Variants in GOLGA3 observed in about 807,000 individuals in gnomAD.
The protein encoded by GOLGA3 is golgin subfamily A member 3.
In GOLGA3, 75 loss-of-function variants were observed where a neutral mutation model predicts 169.4. The ratio of observed to expected loss-of-function variants is 0.44; its 90% confidence interval spans 0.37 to 0.54. The LOEUF is 0.54. GOLGA3 is among the 20% of genes least tolerant of loss of function. The pLI is 0.00. For synonymous variants in GOLGA3, 824 were observed against 822.4 expected (o/e 1.00, Z -0.03); for missense variants, 1,899 against 1,930.0 (o/e 0.98, Z 0.30).
chr12:132,824,355 C>T (rs897862113), intron 1 of GOLGA3, among the ~76,000 whole-genome samples: 1 of 152,202 alleles, frequency 6.6e-6, no homozygotes, highest in African/African-American at 2.4e-5. Context: ...CACCTTGCAT[C>T]CTACAGGCCA....
intron 2 of GOLGA3, among the ~76,000 whole-genome samples, chr12:132,818,850 C>T (rs776550127): frequency 1.8e-4 from 28 of 152,088 alleles, no homozygotes; most frequent in Non-Finnish European, 4.0e-4. Flanking sequence ...TGATGACAGC[C>T]TGCTGGGTAA....
chr12:132,813,435 G>C lies in GOLGA3; in HGVS notation c.407-16C>G, dbSNP rs144875803. 394 of 1,447,954 alleles carry C rather than the reference G, an allele frequency of 2.7e-4. 2 individuals are homozygous for C. The East Asian group carries it at 8.9e-3, about 33-fold the overall frequency. 89.7% of individuals were successfully genotyped at this position (1,447,954 alleles called of 1,614,324 possible). A position where few individuals can be genotyped will look rare whatever the true frequency, so the allele number is the denominator to read the frequency against. On this transcript the variant is annotated splice_polypyrimidine_tract_variant and intron_variant, in intron 3 of 23. Transcript: ENST00000450791. ...TCTGTAGAGCCTGCAGTGGGAAAAG[G>C]GCAATTTGGAAACTCATAAAATACC...
At chr12:132,773,704 C>A (rs144268943) in intron 23 of GOLGA3, among the ~76,000 whole-genome samples, 181 of 152,352 alleles carry the variant, frequency 1.2e-3, no homozygotes, top group African/African-American at 4.0e-3. Context: ...AGTTCACAGG[C>A]TGTGTGTGCG....
At position 132,801,632 on chromosome 12, in the gene GOLGA3, G is replaced by A. The variant is rs149672027; in HGVS notation, c.1800+135C>T. 5,776 of 806,916 alleles carry A rather than the reference G, an allele frequency of 7.2e-3. 34 individuals are homozygous for A. The highest frequency in any genetic ancestry group is 0.013 in the Middle Eastern group (54 of 4,102). The allele number at this position is 806,916 out of a possible 1,614,324, so 50.0% of individuals were successfully genotyped here. On this transcript the variant is annotated intron_variant, in intron 8 of 23. Coordinates refer to ENST00000450791, the MANE Select transcript of GOLGA3 (RefSeq NM_001389683.1). ...ATACGACACGTCCTACATGGGACAC[G>A]GGGTGGGCTGGACAGCAGGTTAAAA...
At chr12:132,792,284 C>T (rs1039641531) in intron 11 of GOLGA3, among the ~76,000 whole-genome samples, 3 of 152,212 alleles carry the variant, frequency 2.0e-5, no homozygotes, top group Non-Finnish European at 4.4e-5. Flanking sequence ...GACACTGCAG[C>T]CCAGGGCTCG....
At position 132,797,950 on chromosome 12, in the gene GOLGA3, C is replaced by T. The variant is rs76829023; in HGVS notation, c.1938+390G>A. ...TTCGACAGGCTGTCAGGCAAAAACG[C>T]ACTGGCCCCTTCCTCCGTACCCACT... On this transcript the variant is annotated intron_variant, in intron 9 of 23. Coordinates refer to ENST00000450791, the MANE Select transcript of GOLGA3 (RefSeq NM_001389683.1). Among the ~76,000 whole-genome samples the T allele has an allele frequency of 6.4e-3, 974 of 152,346 alleles. 19 individuals carry two copies. Among genetic ancestry groups the T allele is most frequent in the African/African-American group, 0.022 (922 of 41,582 alleles).
In GOLGA3 at chr12:132,804,567, G is replaced by C; in HGVS notation, c.1597+149C>G. 3 of 655,278 alleles carry C rather than the reference G, an allele frequency of 4.6e-6. No individual in the cohort carries two copies. Among genetic ancestry groups the C allele is most frequent in the Non-Finnish European group, 2.6e-6 (1 of 380,998 alleles). 40.6% of individuals were successfully genotyped at this position (655,278 alleles called of 1,614,324 possible). On this transcript the variant is annotated intron_variant, in intron 7 of 23. Coordinates refer to ENST00000450791, the MANE Select transcript of GOLGA3 (RefSeq NM_001389683.1). This position sits in a 1 kb window ranked among gnomAD's most constrained non-coding sequence, Gnocchi z 4.1. ...TGGCGGGGACCAGTCGAGGAAGGAG[G>C]GAGCAGCGGGGACCAGTCGAGGAAG...
chr12:132,803,348 C>G (rs149600853), intron 7 of GOLGA3, among the ~76,000 whole-genome samples: 148 of 152,314 alleles, frequency 9.7e-4, no homozygotes, highest in East Asian at 6.6e-3. Flanking sequence ...CTTAGGAAAT[C>G]TGTGAAAATG....
intron 4 of GOLGA3, among the ~76,000 whole-genome samples, chr12:132,810,662 G>A (rs943111964): frequency 6.6e-6 from 1 of 152,166 alleles, no homozygotes; most frequent in Admixed American, 6.5e-5. Flanking sequence ...AGGGCTCCTG[G>A]GTCTAGCGGT....
At position 132,777,725 on chromosome 12, in the gene GOLGA3, C is replaced by T. The variant is rs776983120; in HGVS notation, c.3663G>A (p.Lys1221=). The change falls in exon 19 of 24, where the codon AAG becomes AAA. Residue 1221 remains lysine (K), a synonymous_variant. Transcript: ENST00000450791. The surrounding 1 kb of genome is among the most constrained non-coding windows in gnomAD (Gnocchi z 4.7). ...AASLELSEVK[K]ELQAKEHLVQ... ...CCAGGTGTTCCTTGGCCTGCAGCTC[C>T]TTCTTCACCTCACTCAGCTCCAAGG... 6.2e-7 allele frequency: 1 copy of T among 1,614,140 alleles called. No homozygotes were observed. Among genetic ancestry groups the T allele is most frequent in the Non-Finnish European group, 8.5e-7 (1 of 1,180,010 alleles).
Position 132,777,306 on chromosome 12 carries a change from C to T in GOLGA3, c.3723-216G>A, listed in dbSNP as rs965279892. Reference sequence around the variant, plus strand: ...CTTCACTGGCACCCCTCACAGATCCCAGAGACTCACTTTGCCGGCACCCCT... The same window carrying T: ...CTTCACTGGCACCCCTCACAGATCCTAGAGACTCACTTTGCCGGCACCCCT... On this transcript the variant is annotated intron_variant, in intron 19 of 23. Coordinates refer to ENST00000450791, the MANE Select transcript of GOLGA3 (RefSeq NM_001389683.1). This position sits in a 1 kb window ranked among gnomAD's most constrained non-coding sequence, Gnocchi z 4.7. 6.6e-6 allele frequency among the ~76,000 whole-genome samples: 1 copy of T among 152,138 alleles called. No individual in the cohort carries two copies. Among genetic ancestry groups the T allele is most frequent in the Non-Finnish European group, 1.5e-5 (1 of 68,016 alleles).
At chr12:132,807,539 G>A (rs1368749674) in intron 5 of GOLGA3, among the ~76,000 whole-genome samples, 1 of 152,162 alleles carries the variant, frequency 6.6e-6, no homozygotes, top group Non-Finnish European at 1.5e-5. Context: ...TTAGTGACAA[G>A]TCTATGTAAA....
chr12:132,816,880 C>G (rs566406538), intron 2 of GOLGA3, 68 bp from the exon 3 acceptor site: 1 of 1,361,818 alleles, frequency 7.3e-7, no homozygotes, highest in African/African-American at 1.5e-5. Flanking sequence ...TTCAGACATG[C>G]AGCTGGAGTA....
rs370578604 is a variant in GOLGA3, at chr12:132,818,233, A to G, written c.134-1421T>C. Among the ~76,000 whole-genome samples, 10 of 152,220 alleles carry G rather than the reference A, an allele frequency of 6.6e-5. No homozygotes were observed. The East Asian group carries it at 1.7e-3, about 26-fold the overall frequency. On this transcript the variant is annotated intron_variant, in intron 2 of 23. Coordinates refer to ENST00000450791, the MANE Select transcript of GOLGA3 (RefSeq NM_001389683.1). ...TCCACACCTCCACACTCTTGGCTGTAGAATTTATGTAGTAACGACAGTAAC... is the reference window on the plus strand; with the variant it reads ...TCCACACCTCCACACTCTTGGCTGTGGAATTTATGTAGTAACGACAGTAAC...
intron 3 of GOLGA3, among the ~76,000 whole-genome samples, chr12:132,815,543 T>A (rs1949918193): frequency 6.6e-6 from 1 of 152,262 alleles, no homozygotes; most frequent in Non-Finnish European, 1.5e-5. Flanking sequence ...TGAAATGCAG[T>A]CTGATTTCAG....
chr12:132,805,714 T>C (rs888277500), intron 6 of GOLGA3, among the ~76,000 whole-genome samples: 4 of 152,122 alleles, frequency 2.6e-5, no homozygotes, highest in Non-Finnish European at 4.4e-5. Flanking sequence ...GAGCCTGCAC[T>C]GGTTTTGGGC....
At chr12:132,824,113 G>A (rs1950321651) in intron 1 of GOLGA3, among the ~76,000 whole-genome samples, 1 of 152,082 alleles carries the variant, frequency 6.6e-6, no homozygotes, top group Admixed American at 6.6e-5. Flanking sequence ...AAAAAGAGAA[G>A]CCCACGTGGC....
chr12:132,804,667 C>A lies in GOLGA3; in HGVS notation c.1597+49G>T. 6.8e-7 allele frequency: 1 copy of A among 1,463,396 alleles called. No homozygotes were observed. The highest frequency in any genetic ancestry group is 9.4e-7 in the Non-Finnish European group (1 of 1,060,016). The allele number at this position is 1,463,396 out of a possible 1,614,324, so 90.7% of individuals were successfully genotyped here. On this transcript the variant is annotated intron_variant, in intron 7 of 23. Coordinates refer to ENST00000450791, the MANE Select transcript of GOLGA3 (RefSeq NM_001389683.1). The surrounding 1 kb of genome is among the most constrained non-coding windows in gnomAD (Gnocchi z 4.1). ...GGCCAGTCGAGGAAGGAGGAGGGAG[C>A]AGCAGGGACCAGTCAGGGAGGGGAG...
At chr12:132,811,430 A>G (rs1175215055) in intron 4 of GOLGA3, among the ~76,000 whole-genome samples, 1 of 151,520 alleles carries the variant, frequency 6.6e-6, no homozygotes, top group Non-Finnish European at 1.5e-5. Context: ...TATACTTCCC[A>G]CTAATCTTAC....
Sources: gnomAD v4.1 joint callset for allele counts (sites outside exome capture counted in the v4.1 genomes callset) on GRCh38, gnomAD v4.1.1 for gene constraint, Gnocchi (gnomAD v3.1) non-coding constraint, MANE v1.5 for transcripts, NCBI Gene and HGNC (gene_info 2026-07-23, HGNC 2026-07-21) for gene names.